Variants in CCDC73 observed in about 807,000 individuals in gnomAD.
The protein encoded by CCDC73 is coiled-coil domain containing 73.
In CCDC73, 95 loss-of-function variants were observed where a neutral mutation model predicts 116.5. That is an observed-to-expected ratio of 0.82 (90% CI 0.69 to 0.97). The LOEUF (loss-of-function observed/expected upper bound fraction) is 0.97. CCDC73 is among the 50% of genes least tolerant of loss of function. The probability of loss-of-function intolerance (pLI) is 0.00; values close to 1 mark genes in which losing one functional copy is unlikely to be tolerated. For missense variants in CCDC73, 1,066 were observed against 1,206.8 expected, an observed-to-expected ratio of 0.88 and a Z score of 1.73; for synonymous variants, 398 against 401.3, an observed-to-expected ratio of 0.99 and a Z score of 0.10.
intron 1 of CCDC73, among the ~76,000 whole-genome samples, chr11:32,787,211 TG>T (rs1280142038): frequency 6.6e-6 from 1 of 152,156 alleles, no homozygotes; most frequent in Non-Finnish European, 1.5e-5. Flanking sequence ...GGTAATGTAA[TG>T]AAGTAAAGAT....
intron 16 of CCDC73, among the ~76,000 whole-genome samples, chr11:32,612,600 G>A (rs1855431831): frequency 1.3e-5 from 2 of 151,920 alleles, no homozygotes; most frequent in African/African-American, 4.8e-5. Context: ...TTAGCTGGGT[G>A]CAGTGACATG....
intron 9 of CCDC73, among the ~76,000 whole-genome samples, chr11:32,665,890 A>C (rs1036097018): frequency 3.3e-5 from 5 of 152,144 alleles, no homozygotes; most frequent in African/African-American, 1.2e-4. Flanking sequence ...CTTGTCTATA[A>C]AGGATTTTAT....
At chr11:32,692,742 T>C (rs1354784803) in intron 6 of CCDC73, among the ~76,000 whole-genome samples, 1 of 152,176 alleles carries the variant, frequency 6.6e-6, no homozygotes, top group Non-Finnish European at 1.5e-5. Flanking sequence ...ATGGTCTTGT[T>C]TGGGAAATAC....
chr11:32,634,183 A>G (rs1484751875), intron 14 of CCDC73, among the ~76,000 whole-genome samples: 1 of 152,190 alleles, frequency 6.6e-6, no homozygotes, highest in Non-Finnish European at 1.5e-5. Flanking sequence ...GACCAGTATT[A>G]CTCTTGACGC....
chr11:32,678,327 T>G (rs191677562), intron 7 of CCDC73, among the ~76,000 whole-genome samples: 12 of 152,212 alleles, frequency 7.9e-5, no homozygotes, highest in Admixed American at 7.9e-4. Flanking sequence ...TAGAGCACAG[T>G]GGTCAAAAGC....
intron 2 of CCDC73, among the ~76,000 whole-genome samples, chr11:32,719,417 C>CCACA (rs1327438322): frequency 6.6e-6 from 1 of 152,100 alleles, no homozygotes; most frequent in Admixed American, 6.5e-5. Flanking sequence ...AAGTCAGTAG[C>CCACA]CACACACAAC....
At position 32,608,542 on chromosome 11, in the gene CCDC73, A is replaced by G. The variant is rs150321946; in HGVS notation, c.3030+2590T>C. Reference sequence around the variant, plus strand: ...CTCCTGGCCACTTTCACGGGCTGACATTGAGTGTCTGTGGCTTTTCCAGAT... The same window carrying G: ...CTCCTGGCCACTTTCACGGGCTGACGTTGAGTGTCTGTGGCTTTTCCAGAT... On this transcript the variant is annotated intron_variant, in intron 17 of 17. Coordinates refer to ENST00000335185, the MANE Select transcript of CCDC73 (RefSeq NM_001008391.4). 8.1e-4 allele frequency among the ~76,000 whole-genome samples: 124 copies of G among 152,162 alleles called. 1 individual carries two copies. Among genetic ancestry groups the G allele is most frequent in the African/African-American group, 3.0e-3 (124 of 41,466 alleles).
chr11:32,812,155 T>C, the CCDC73 span, among the ~76,000 whole-genome samples: 1 of 152,232 alleles, frequency 6.6e-6, no homozygotes, highest in East Asian at 1.9e-4. Context: ...CCCATTGGCC[T>C]ATGTCCCTGT....
chr11:32,732,160 G>C (rs1590619000), intron 2 of CCDC73, among the ~76,000 whole-genome samples: 2 of 152,294 alleles, frequency 1.3e-5, no homozygotes, highest in South Asian at 2.1e-4. Flanking sequence ...CTGGAAGAAA[G>C]GGTATCAGTG....
In CCDC73 at chr11:32,653,007, A is replaced by G. The variant is rs1273146254; in HGVS notation, c.939+116T>C. ...AAGGAAGTCAATATCTTACCCCTAG[A>G]ATTCAAAATAATCTCAATAAAACTG... is the stretch of plus-strand genomic sequence containing the variant. On this transcript the variant is annotated intron_variant, in intron 12 of 17. Transcript: ENST00000335185. 7.0e-6 allele frequency: 4 copies of G among 573,326 alleles called. No homozygotes were observed. In the East Asian group the frequency reaches 9.0e-5, roughly 13 times the overall value. The allele number at this position is 573,326 out of a possible 1,614,324, so 35.5% of individuals were successfully genotyped here. A position where few individuals can be genotyped will look rare whatever the true frequency, so the allele number is the denominator to read the frequency against.
the CCDC73 span, among the ~76,000 whole-genome samples, chr11:32,827,119 C>T: frequency 6.6e-6 from 1 of 152,100 alleles, no homozygotes; most frequent in African/African-American, 2.4e-5. Context: ...CCGCCTAGGC[C>T]TCCCAAAGTG....
chr11:32,603,227 GAAGTA>G (rs1439544483), intron 17 of CCDC73: 4 of 456,346 alleles, frequency 8.8e-6, no homozygotes, highest in South Asian at 4.7e-5. Flanking sequence ...ATATATAACT[GAAGTA>G]AAGTGTACAA....
chr11:32,643,709 G>A (rs930265791), intron 12 of CCDC73, among the ~76,000 whole-genome samples: 3 of 152,100 alleles, frequency 2.0e-5, no homozygotes, highest in African/African-American at 7.2e-5. Flanking sequence ...TACCATGAAC[G>A]TTGCTCTGGG....
At chr11:32,689,353 G>A (rs567169996) in intron 6 of CCDC73, among the ~76,000 whole-genome samples, 1 of 152,140 alleles carries the variant, frequency 6.6e-6, no homozygotes, top group African/African-American at 2.4e-5. Context: ...AAGTTCATCA[G>A]AAAAATACAG....
At chr11:32,722,023 C>A (rs796997114) in intron 2 of CCDC73, among the ~76,000 whole-genome samples, 6 of 152,176 alleles carry the variant, frequency 3.9e-5, no homozygotes, top group African/African-American at 1.4e-4. Context: ...CCGCAAGTAA[C>A]AACAACAAAA....
chr11:32,775,327 T>C (rs1391470338), intron 1 of CCDC73, among the ~76,000 whole-genome samples: 1 of 152,212 alleles, frequency 6.6e-6, no homozygotes, highest in Non-Finnish European at 1.5e-5. Context: ...TCTATATCCA[T>C]ATCTTTATAC....
At chr11:32,689,791 C>G (rs568851424) in intron 6 of CCDC73, among the ~76,000 whole-genome samples, 1 of 151,968 alleles carries the variant, frequency 6.6e-6, no homozygotes, top group African/African-American at 2.4e-5. Context: ...GTCAGGAGAT[C>G]GAGACCATCC....
At chr11:32,774,532 G>C (rs1850517311) in intron 1 of CCDC73, among the ~76,000 whole-genome samples, 1 of 151,962 alleles carries the variant, frequency 6.6e-6, no homozygotes, top group Admixed American at 6.6e-5. Flanking sequence ...CTAGTGCATA[G>C]GACACCTTGA....
At chr11:32,780,517 A>G (rs1850574253) in intron 1 of CCDC73, among the ~76,000 whole-genome samples, 1 of 152,158 alleles carries the variant, frequency 6.6e-6, no homozygotes, top group Non-Finnish European at 1.5e-5. Flanking sequence ...AAAGAAAAAA[A>G]TCCTAGATGC....
Sources: gnomAD v4.1 joint callset for allele counts (sites outside exome capture counted in the v4.1 genomes callset) on GRCh38, gnomAD v4.1.1 for gene constraint, MANE v1.5 for transcripts, NCBI Gene and HGNC (gene_info 2026-07-23, HGNC 2026-07-21) for gene names.